Variants in ZNF385B observed in about 807,000 individuals in gnomAD.
ZNF385B encodes zinc finger protein 533.
Under a neutral mutation model 39.2 loss-of-function variants are expected in ZNF385B, and 23 were observed. That is an observed-to-expected ratio of 0.59 (90% CI 0.42 to 0.83). The LOEUF is 0.83. Ranked by LOEUF, ZNF385B falls within the 40% of genes least tolerant of loss-of-function variation. The probability of loss-of-function intolerance (pLI) is 0.00; values close to 1 mark genes in which losing one functional copy is unlikely to be tolerated. For synonymous variants in ZNF385B, 205 were observed against 222.6 expected (o/e 0.92, Z 0.70); for missense variants, 552 against 598.9 (o/e 0.92, Z 0.82).
chr2:179,716,096 G>T (rs1254837648), intron 3 of ZNF385B, among the ~76,000 whole-genome samples: 1 of 152,150 alleles, frequency 6.6e-6, no homozygotes, highest in Non-Finnish European at 1.5e-5. Flanking sequence ...TCAATGGGTT[G>T]TGTTTATCTT....
At chr2:179,780,277 C>T (rs1704588141) in intron 1 of ZNF385B, among the ~76,000 whole-genome samples, 1 of 152,146 alleles carries the variant, frequency 6.6e-6, no homozygotes, top group South Asian at 2.1e-4. Context: ...AGAAAAGACA[C>T]AAAAGTCCAG....
chr2:179,805,840 CAA>C (rs1706315231), intron 1 of ZNF385B, among the ~76,000 whole-genome samples: 1 of 152,146 alleles, frequency 6.6e-6, no homozygotes, highest in Non-Finnish European at 1.5e-5. Flanking sequence ...AATGGATAGA[CAA>C]AGAGGACACT....
At chr2:179,513,449 T>TA (rs2057838375) in intron 5 of ZNF385B, among the ~76,000 whole-genome samples, 1 of 152,228 alleles carries the variant, frequency 6.6e-6, no homozygotes, top group Non-Finnish European at 1.5e-5. Context: ...GTCATATGCT[T>TA]ATGTGTGCAC....
rs1052915522 is a variant in ZNF385B at position 179,442,516 on chromosome 2, A to C, written c.*734T>G. 6.6e-6 allele frequency: 1 copy of C among 152,670 alleles called. No individual in the cohort carries two copies. The highest frequency in any genetic ancestry group is 2.4e-5 in the African/African-American group (1 of 41,462). The allele number at this position is 152,670 out of a possible 1,614,324, so 9.5% of individuals were successfully genotyped here. A position where few individuals can be genotyped will look rare whatever the true frequency, so the allele number is the denominator to read the frequency against. Reference sequence around the variant, plus strand: ...GTTATATGGCTTTCTATTTCATTTAAATATCTCCAAATAAAATGTGAAATA... The same window carrying C: ...GTTATATGGCTTTCTATTTCATTTACATATCTCCAAATAAAATGTGAAATA... On this transcript the variant is annotated 3_prime_UTR_variant, in exon 10 of 10. Transcript: ENST00000410066.
At chr2:179,553,423 A>T (rs1490393164) in intron 3 of ZNF385B, among the ~76,000 whole-genome samples, 2 of 149,420 alleles carry the variant, frequency 1.3e-5, no homozygotes, top group Non-Finnish European at 3.0e-5. Context: ...TTTTTAAGAT[A>T]AGAAAATAAT....
chr2:179,720,280 G>T (rs1030176477), intron 3 of ZNF385B, among the ~76,000 whole-genome samples: 1 of 151,502 alleles, frequency 6.6e-6, no homozygotes, highest in South Asian at 2.1e-4. Flanking sequence ...ACCACCAAAA[G>T]AATACATTTA....
rs1689238331 is a variant in ZNF385B, at chr2:179,610,930, T to C, written c.299-65961A>G. Among the ~76,000 whole-genome samples the C allele has an allele frequency of 2.0e-5, 3 of 152,188 alleles. No homozygotes were observed. The South Asian group carries it at 6.2e-4, about 31-fold the overall frequency. ...TATTGAATTTGTTTATCAGTTGTACTAGTTTTTTGGTGGACTCTTTAGGAT... is the reference window on the plus strand; with the variant it reads ...TATTGAATTTGTTTATCAGTTGTACCAGTTTTTTGGTGGACTCTTTAGGAT... On this transcript the variant is annotated intron_variant, in intron 3 of 9. Transcript: ENST00000410066.
At chr2:179,622,409 T>G (rs1575009053) in intron 3 of ZNF385B, among the ~76,000 whole-genome samples, 1 of 152,160 alleles carries the variant, frequency 6.6e-6, no homozygotes, top group East Asian at 1.9e-4. Flanking sequence ...GTGCAGCACA[T>G]ACTCTGTCTG....
At chr2:179,744,500 A>C (rs896877387) in intron 3 of ZNF385B, among the ~76,000 whole-genome samples, 2 of 152,134 alleles carry the variant, frequency 1.3e-5, no homozygotes, top group Non-Finnish European at 2.9e-5. Flanking sequence ...CTAGCAAGAT[A>C]GTGGCCCTGG....
Position 179,654,201 on chromosome 2 carries a change from C to T in ZNF385B, c.299-109232G>A, listed in dbSNP as rs1693495159. ...AAAGGTTGTCCTTGTTTAAAATATC[C>T]TGTGTATTGTACACAGGTATACCGT... On this transcript the variant is annotated intron_variant, in intron 3 of 9. Coordinates refer to ENST00000410066, the MANE Select transcript of ZNF385B (RefSeq NM_152520.6). Among the ~76,000 whole-genome samples, 5 of 152,252 alleles carry T rather than the reference C, an allele frequency of 3.3e-5. No individual in the cohort carries two copies. In the South Asian group the frequency reaches 1.0e-3, roughly 32 times the overall value.
chr2:179,614,896 T>C (rs1689602826), intron 3 of ZNF385B, among the ~76,000 whole-genome samples: 1 of 152,220 alleles, frequency 6.6e-6, no homozygotes, highest in Admixed American at 6.5e-5. Context: ...GTGCATCATG[T>C]ATAATTCATA....
intron 1 of ZNF385B, among the ~76,000 whole-genome samples, chr2:179,836,743 CT>C (rs543706380): frequency 6.2e-4 from 94 of 152,086 alleles, no homozygotes; most frequent in African/African-American, 2.0e-3. Flanking sequence ...TGGTCTCGAT[CT>C]CCTGACCTCA....
chr2:179,443,119 G>T lies in ZNF385B; in HGVS notation c.*131C>A. On this transcript the variant is annotated 3_prime_UTR_variant, in exon 10 of 10. Coordinates refer to ENST00000410066, the MANE Select transcript of ZNF385B (RefSeq NM_152520.6). ...TGATGTGTTTCTCTCTGGAATTGGG[G>T]GACTGGGTGGTGGGCTGCATTTTGT... The T allele has an allele frequency of 2.1e-6, 2 of 950,324 alleles. No homozygotes were observed. The highest frequency in any genetic ancestry group is 3.3e-6 in the Non-Finnish European group (2 of 606,454). 58.9% of individuals were successfully genotyped at this position (950,324 alleles called of 1,614,324 possible).
intron 1 of ZNF385B, among the ~76,000 whole-genome samples, chr2:179,825,454 T>TC (rs1331854187): frequency 6.6e-6 from 1 of 152,162 alleles, no homozygotes; most frequent in Non-Finnish European, 1.5e-5. Context: ...TTTTTGATAG[T>TC]CTAAAATGTG....
At position 179,757,198 on chromosome 2, in the gene ZNF385B, G is replaced by T. The variant is rs1703084934; in HGVS notation, c.298+12305C>A. Among the ~76,000 whole-genome samples the T allele has an allele frequency of 2.0e-5, 3 of 152,252 alleles. No homozygotes were observed. The South Asian group carries it at 6.2e-4, about 31-fold the overall frequency. ...CTTCTAACAGTCAGGACCCTCAGCT[G>T]CAGGTCTGTTGGAGTTTGCTGGAGG... On this transcript the variant is annotated intron_variant, in intron 3 of 9. Transcript: ENST00000410066.
chr2:179,625,877 C>T (rs1690618426), intron 3 of ZNF385B, among the ~76,000 whole-genome samples: 1 of 152,056 alleles, frequency 6.6e-6, no homozygotes, highest in Non-Finnish European at 1.5e-5. Flanking sequence ...TCTTCACAAA[C>T]ATGTCTCCTA....
chr2:179,578,517 A>G (rs1232718425), intron 3 of ZNF385B, among the ~76,000 whole-genome samples: 1 of 152,146 alleles, frequency 6.6e-6, no homozygotes, highest in African/African-American at 2.4e-5. Flanking sequence ...TATGAGGCAT[A>G]GAATGAAAAT....
At chr2:179,666,022 G>T (rs1433579963) in intron 3 of ZNF385B, among the ~76,000 whole-genome samples, 2 of 152,188 alleles carry the variant, frequency 1.3e-5, no homozygotes, top group Admixed American at 6.5e-5. Flanking sequence ...TATTCAGAGG[G>T]AGATGGACAA....
At chr2:179,833,743 G>A (rs12053223) in intron 1 of ZNF385B, among the ~76,000 whole-genome samples, 10,224 of 152,064 alleles carry the variant, frequency 0.067, 573 homozygotes, top group Admixed American at 0.17. Context: ...GAAAGGATGG[G>A]AGAAACTAAA....
Sources: allele counts gnomAD v4.1 joint callset (sites outside exome capture counted in the v4.1 genomes callset), GRCh38; gene constraint gnomAD v4.1.1; transcripts MANE v1.5; gene names NCBI Gene and HGNC (gene_info 2026-07-23, HGNC 2026-07-21).